Variants in GRB14 observed in about 807,000 individuals in gnomAD.
GRB14 encodes growth factor receptor-bound protein 14.
Under a neutral mutation model 69.1 loss-of-function variants are expected in GRB14, and 38 were observed. The observed-to-expected ratio is 0.55, with a 90% CI of 0.42 to 0.72. GRB14 has a LOEUF of 0.72. Among genes scored for constraint, GRB14 ranks in the 30% least tolerant of loss-of-function variants. The probability of loss-of-function intolerance (pLI) is 0.00; values close to 1 mark genes in which losing one functional copy is unlikely to be tolerated. For synonymous variants in GRB14, 247 were observed against 241.3 expected (o/e 1.02, Z -0.22); for missense variants, 666 against 666.1 (o/e 1.00, Z 0.00).
At chr2:164,532,265 G>C (rs1687961323) in intron 3 of GRB14, among the ~76,000 whole-genome samples, 1 of 152,110 alleles carries the variant, frequency 6.6e-6, no homozygotes, top group African/African-American at 2.4e-5. Flanking sequence ...ACAAATAATA[G>C]AAGAATAACC....
intron 2 of GRB14, among the ~76,000 whole-genome samples, chr2:164,606,085 T>A (rs1199548287): frequency 6.6e-6 from 1 of 152,224 alleles, no homozygotes; most frequent in Non-Finnish European, 1.5e-5. Flanking sequence ...TATTTTAATA[T>A]AAGAATGTTT....
chr2:164,617,964 G>T (rs1237504246), intron 2 of GRB14, among the ~76,000 whole-genome samples: 9 of 138,156 alleles, frequency 6.5e-5, no homozygotes, highest in South Asian at 2.7e-4. Flanking sequence ...TTTTTTGGGG[G>T]GGGGGGGGTA....
At chr2:164,506,568 A>T (rs766231277) in intron 8 of GRB14, among the ~76,000 whole-genome samples, 1 of 152,208 alleles carries the variant, frequency 6.6e-6, no homozygotes, top group Non-Finnish European at 1.5e-5. Flanking sequence ...AAAAAATTAA[A>T]TGTACAATTA....
At chr2:164,620,020 T>C in intron 1 of GRB14, 1 of 311,404 alleles carries the variant, frequency 3.2e-6, no homozygotes, top group Non-Finnish European at 5.8e-6. Context: ...ACAAATCTCC[T>C]ATAGTTCCTC....
intron 1 of GRB14, among the ~76,000 whole-genome samples, chr2:164,620,161 C>G (rs1471574916): frequency 2.8e-5 from 4 of 144,108 alleles, no homozygotes; most frequent in African/African-American, 7.6e-5. Flanking sequence ...TTTCCTGAAA[C>G]AGAAAAATAG....
chr2:164,564,262 G>A (rs1016066117), intron 2 of GRB14, among the ~76,000 whole-genome samples: 3 of 152,162 alleles, frequency 2.0e-5, no homozygotes, highest in Admixed American at 2.0e-4. Flanking sequence ...GGAGGCAAAC[G>A]ATATGCTGCA....
At chr2:164,568,529 C>T (rs1689042475) in intron 2 of GRB14, 3 of 1,032,936 alleles carry the variant, frequency 2.9e-6, no homozygotes, top group Non-Finnish European at 2.4e-6. Context: ...TCCAATCTAC[C>T]CAAAGCCAAT....
chr2:164,584,161 T>A (rs1689480911), intron 2 of GRB14, among the ~76,000 whole-genome samples: 2 of 136,726 alleles, frequency 1.5e-5, no homozygotes, highest in Non-Finnish European at 3.2e-5. Context: ...TTTTTTTTTT[T>A]TTTTTTTTTT....
At chr2:164,543,022 G>C (rs1486110228) in intron 3 of GRB14, among the ~76,000 whole-genome samples, 1 of 152,150 alleles carries the variant, frequency 6.6e-6, no homozygotes, top group East Asian at 1.9e-4. Context: ...GCCAGGCATG[G>C]TGGCTCACAC....
At chr2:164,514,136 T>G (rs1289499113) in intron 6 of GRB14, among the ~76,000 whole-genome samples, 8 of 152,202 alleles carry the variant, frequency 5.3e-5, no homozygotes, top group Non-Finnish European at 1.2e-4. Flanking sequence ...CTCTAGGAAT[T>G]TACAATGTAT....
intron 2 of GRB14, among the ~76,000 whole-genome samples, chr2:164,605,637 T>G (rs1479530460): frequency 6.6e-6 from 1 of 152,142 alleles, no homozygotes; most frequent in East Asian, 1.9e-4. Flanking sequence ...GTAGTCAAAA[T>G]GTCTAAAACT....
In GRB14 at chr2:164,497,257, A is replaced by T. The variant is rs768137529; in HGVS notation, c.1248T>A (p.Thr416=). The T allele has an allele frequency of 3.7e-6, 6 of 1,613,572 alleles. No individual in the cohort carries two copies. Among genetic ancestry groups the T allele is most frequent in the Non-Finnish European group, 5.1e-6 (6 of 1,179,806 alleles). ...WRKKGCLRLG[T]HGSPTASSQS... ...GTGAAGAGGCAGTGGGGCTACCGTG[A>T]GTGCCCAGGCGTAAACATCCTTTTT... The change falls in exon 11 of 14, where the codon ACT becomes ACA. Residue 416 remains threonine (T), a synonymous_variant. Transcript: ENST00000263915.
chr2:164,531,517 G>A (rs569889140), intron 3 of GRB14, among the ~76,000 whole-genome samples: 1 of 152,272 alleles, frequency 6.6e-6, no homozygotes, highest in African/African-American at 2.4e-5. Context: ...ATAGCAAAGA[G>A]GCATTTTGTT....
At chr2:164,605,688 G>A (rs930327115) in intron 2 of GRB14, among the ~76,000 whole-genome samples, 2 of 152,190 alleles carry the variant, frequency 1.3e-5, no homozygotes, top group African/African-American at 4.8e-5. Flanking sequence ...AGGTCTTCAG[G>A]AATAAGGTGG....
chr2:164,570,753 A>G (rs73028047), intron 2 of GRB14, among the ~76,000 whole-genome samples: 4,088 of 152,262 alleles, frequency 0.027, 169 homozygotes, highest in African/African-American at 0.094. Flanking sequence ...TCACACCATA[A>G]AGCCTGTTAA....
At chr2:164,536,570 C>T (rs1276257127) in intron 3 of GRB14, among the ~76,000 whole-genome samples, 1 of 152,092 alleles carries the variant, frequency 6.6e-6, no homozygotes, top group Non-Finnish European at 1.5e-5. Flanking sequence ...TTTTCTCTTG[C>T]TCTATATGAG....
Position 164,508,836 on chromosome 2 carries a change from T to A in GRB14, c.833A>T (p.Gln278Leu). The A allele has an allele frequency of 6.3e-7, 1 of 1,577,754 alleles. No individual in the cohort carries two copies. The highest frequency in any genetic ancestry group is 8.6e-7 in the Non-Finnish European group (1 of 1,168,530). Residue 278 changes from glutamine to leucine, a missense_variant, in exon 7 of 14, where the codon CAG becomes CTG. By Grantham distance (113) the Gln-to-Leu change is moderately radical. Transcript: ENST00000263915. The part of the protein sequence containing the change: ...KGTSKEPRHL[Q>L]FFSEFGNSDI... ...ACTATTGCCAAATTCGCTGAAAAAC[T>A]GCAAATGCCGCGGTTCCTTAAAAAA...
At chr2:164,582,361 C>T (rs1689428681) in intron 2 of GRB14, among the ~76,000 whole-genome samples, 1 of 152,058 alleles carries the variant, frequency 6.6e-6, no homozygotes, top group Non-Finnish European at 1.5e-5. Context: ...GCTAATTTTA[C>T]TTCCTAAGCA....
intron 9 of GRB14, among the ~76,000 whole-genome samples, chr2:164,501,132 C>T (rs527601599): frequency 6.6e-6 from 1 of 151,968 alleles, no homozygotes; most frequent in African/African-American, 2.4e-5. Context: ...AACATGATTG[C>T]TTTTATAAAA....
Sources: allele counts gnomAD v4.1 joint callset (sites outside exome capture counted in the v4.1 genomes callset), GRCh38; gene constraint gnomAD v4.1.1; transcripts MANE v1.5; gene names NCBI Gene and HGNC (gene_info 2026-07-23, HGNC 2026-07-21).